TTC7A: variants seen among roughly 807,000 people sequenced by gnomAD.
TTC7A encodes tetratricopeptide repeat protein 7A.
In TTC7A, 110 loss-of-function variants were observed where a neutral mutation model predicts 103.7. That is an observed-to-expected ratio of 1.06 (90% confidence interval 0.91 to 1.24). The LOEUF (loss-of-function observed/expected upper bound fraction) is 1.24, where lower values mean the gene tolerates loss of function less well. Among genes scored for constraint, TTC7A ranks in the 50% most tolerant of loss-of-function variants. The probability of loss-of-function intolerance (pLI) is 0.00; values close to 1 mark genes in which losing one functional copy is unlikely to be tolerated. For missense variants in TTC7A, 1,340 were observed against 1,116.3 expected (o/e 1.20, Z -2.86); for synonymous variants, 521 against 467.9 (o/e 1.11, Z -1.47).
At chr2:46,955,572 G>A (rs1671783106) in intron 2 of TTC7A, among the ~76,000 whole-genome samples, 1 of 152,214 alleles carries the variant, frequency 6.6e-6, no homozygotes, top group African/African-American at 2.4e-5. Context: ...GGTTAGGCCA[G>A]GGGGAAGGGG....
In TTC7A at chr2:47,049,982, C is replaced by G; in HGVS notation, c.1953C>G (p.Gly651=). The change falls in exon 17 of 20, where the codon GGC becomes GGG. Residue 651 remains glycine (G), a synonymous_variant. Coordinates refer to ENST00000319190, the MANE Select transcript of TTC7A (RefSeq NM_020458.4). Reference sequence around the variant, plus strand: ...AAAAGGATGGCAGCTTCGGTGAGGGCCTCACCATGAAGAAGCAGAGTGGCA... The same window carrying G: ...AAAAGGATGGCAGCTTCGGTGAGGGGCTCACCATGAAGAAGCAGAGTGGCA... ...GLEKDGSFGE[G]LTMKKQSGMH... The G allele has an allele frequency of 6.2e-7, 1 of 1,614,178 alleles. No homozygotes were observed. The highest frequency in any genetic ancestry group is 8.5e-7 in the Non-Finnish European group (1 of 1,180,026).
At chr2:47,050,130 C>T (rs1042627214) in intron 17 of TTC7A, 84 bp downstream of exon 17, 6 of 1,200,318 alleles carry the variant, frequency 5.0e-6, no homozygotes, top group South Asian at 3.7e-5. Context: ...AGAGAGGGGC[C>T]GGGCCCTCTC....
chr2:46,961,197 G>C (rs940509893), intron 3 of TTC7A, among the ~76,000 whole-genome samples: 29 of 152,274 alleles, frequency 1.9e-4, no homozygotes, highest in African/African-American at 6.5e-4. Context: ...CCAGGTGCAG[G>C]TGACAGATAT....
rs57182920 is a variant in TTC7A, at chr2:46,994,862, T to C, written c.1002-274T>C. Among the ~76,000 whole-genome samples, 42,789 of 152,102 alleles carry C rather than the reference T, an allele frequency of 0.28. 6,827 individuals carry two copies. The highest frequency in any genetic ancestry group is 0.43 in the African/African-American group (17,680 of 41,468). The stretch of plus-strand genomic sequence containing the variant: ...AGCGTAGTTCTGGCTTCTCCCTGCT[T>C]CTTGCCCCAGCCATTCCCTGCAGTG... On this transcript the variant is annotated intron_variant, in intron 7 of 19. Coordinates refer to ENST00000319190, the MANE Select transcript of TTC7A (RefSeq NM_020458.4).
At chr2:47,000,076 A>G (rs1042115168) in intron 8 of TTC7A, among the ~76,000 whole-genome samples, 13 of 152,320 alleles carry the variant, frequency 8.5e-5, no homozygotes, top group Non-Finnish European at 1.0e-4. Flanking sequence ...TCTTTCTTGT[A>G]TGACTTTGGT....
intron 19 of TTC7A, among the ~76,000 whole-genome samples, chr2:47,071,885 CTT>C (rs917536366): frequency 6.6e-6 from 1 of 152,240 alleles, no homozygotes; most frequent in Non-Finnish European, 1.5e-5. Context: ...ATATAGAAAA[CTT>C]AACGTGTGGA....
At chr2:46,990,002 G>A (rs1572833631) in intron 5 of TTC7A, among the ~76,000 whole-genome samples, 1 of 152,290 alleles carries the variant, frequency 6.6e-6, no homozygotes, top group South Asian at 2.1e-4. Context: ...GGGAAGAAGG[G>A]GCCACAGTCA....
chr2:47,072,997 C>T lies in TTC7A; in HGVS notation c.2356-705C>T, dbSNP rs76533613. ...AGCCAAACAGCAGGGCCAAGCTTCCCTGTGCGTGACCCAGACCCCCCAGGC... is the reference window on the plus strand; with the variant it reads ...AGCCAAACAGCAGGGCCAAGCTTCCTTGTGCGTGACCCAGACCCCCCAGGC... On this transcript the variant is annotated intron_variant, in intron 19 of 19. Coordinates refer to ENST00000319190, the MANE Select transcript of TTC7A (RefSeq NM_020458.4). 6.9e-3 allele frequency among the ~76,000 whole-genome samples: 1,056 copies of T among 152,262 alleles called. 10 individuals are homozygous for T. The highest frequency in any genetic ancestry group is 0.024 in the African/African-American group (1,006 of 41,546).
intron 2 of TTC7A, among the ~76,000 whole-genome samples, chr2:46,923,090 T>G (rs1467521568): frequency 6.6e-6 from 1 of 152,236 alleles, no homozygotes; most frequent in African/African-American, 2.4e-5. Flanking sequence ...CCCATGGAGT[T>G]GGAGTGCACC....
intron 8 of TTC7A, among the ~76,000 whole-genome samples, chr2:46,997,975 G>C (rs1290487568): frequency 6.6e-6 from 1 of 152,090 alleles, no homozygotes; most frequent in South Asian, 2.1e-4. Flanking sequence ...GGGTTTTCCT[G>C]AGTATGCGAT....
chr2:46,942,619 G>A (rs893333149), intron 1 of TTC7A, among the ~76,000 whole-genome samples: 5 of 152,132 alleles, frequency 3.3e-5, no homozygotes, highest in Admixed American at 2.6e-4. Context: ...AATCAACCCC[G>A]TGAAGCAGGT....
In TTC7A at chr2:47,070,822, C is replaced by T. The variant is rs187667465; in HGVS notation, c.2356-2880C>T. Among the ~76,000 whole-genome samples, 391 of 152,276 alleles carry T rather than the reference C, an allele frequency of 2.6e-3. 1 individual carries two copies. The highest frequency in any genetic ancestry group is 8.6e-3 in the African/African-American group (357 of 41,552). ...AGCCCAAAGCGCCCCCTTGGAGGTA[C>T]GATGTCTGATCACCATAAACAACTT... On this transcript the variant is annotated intron_variant, in intron 19 of 19. Coordinates refer to ENST00000319190, the MANE Select transcript of TTC7A (RefSeq NM_020458.4).
In TTC7A at chr2:47,060,851, C is replaced by G. The variant is rs1683717723; in HGVS notation, c.2235C>G (p.His745Gln). 7 of 1,614,176 alleles carry G rather than the reference C, an allele frequency of 4.3e-6. No individual in the cohort carries two copies. In the East Asian group the frequency reaches 1.6e-4, roughly 36 times the overall value. Residue 745 changes from histidine (H) to glutamine (Q), a missense_variant, in exon 19 of 20, where the codon CAC becomes CAG. Physicochemically the swap from His to Gln is conservative, Grantham distance 24. Coordinates refer to ENST00000319190, the MANE Select transcript of TTC7A (RefSeq NM_020458.4). ...CGGCGGGCCTCTTCCCCACTTCTCA[C>G]TCAGTACTCTATATGCGGGGCCGGC... ...QEAAGLFPTS[H>Q]SVLYMRGRLA...
Position 47,060,297 on chromosome 2 carries a change from G to C in TTC7A, c.2153-472G>C, listed in dbSNP as rs543944992. ...AGACAGGAAAATCACTTGAACCCAG[G>C]GGGCAGAGGTTACAGTGAGCTGAGA... is the stretch of plus-strand genomic sequence containing the variant. On this transcript the variant is annotated intron_variant, in intron 18 of 19. Transcript: ENST00000319190. Among the ~76,000 whole-genome samples, 3 of 152,158 alleles carry C rather than the reference G, an allele frequency of 2.0e-5. No homozygotes were observed. The South Asian group carries it at 6.2e-4, about 32-fold the overall frequency.
At chr2:47,046,596 T>C (rs1346447139) in intron 16 of TTC7A, among the ~76,000 whole-genome samples, 165 bp downstream of exon 16, 1 of 152,210 alleles carries the variant, frequency 6.6e-6, no homozygotes, top group African/African-American at 2.4e-5. Context: ...TAGTCCAGTT[T>C]GAACCTCCTG....
At chr2:46,919,866 T>C (rs1354574621) in intron 2 of TTC7A, among the ~76,000 whole-genome samples, 2 of 152,244 alleles carry the variant, frequency 1.3e-5, no homozygotes, top group East Asian at 1.9e-4. Context: ...CACCCTTGCA[T>C]TGGATGAGGG....
At chr2:46,976,726 T>C (rs1302069788) in intron 4 of TTC7A, among the ~76,000 whole-genome samples, 1 of 152,190 alleles carries the variant, frequency 6.6e-6, no homozygotes, top group Non-Finnish European at 1.5e-5. Context: ...GCCTAGACTC[T>C]CCCCACTATG....
chr2:47,045,789 G>T (rs1312166029), intron 15 of TTC7A, among the ~76,000 whole-genome samples: 1 of 152,194 alleles, frequency 6.6e-6, no homozygotes, highest in Non-Finnish European at 1.5e-5. Context: ...GGCTGGCAAG[G>T]TGGGAAGTGG....
intron 17 of TTC7A, chr2:47,050,838 T>C (rs1682798755): frequency 6.6e-6 from 1 of 152,216 alleles, no homozygotes; most frequent in Admixed American, 6.6e-5. Flanking sequence ...GGAAGAATCA[T>C]GAACAAAGTT....
Sources: allele counts gnomAD v4.1 joint callset (sites outside exome capture counted in the v4.1 genomes callset), GRCh38; gene constraint gnomAD v4.1.1; transcripts MANE v1.5; gene names NCBI Gene and HGNC (gene_info 2026-07-23, HGNC 2026-07-21).